Variants in QKI observed in about 807,000 individuals in gnomAD.
The protein encoded by QKI is QKI, KH domain containing RNA binding.
Under a neutral mutation model 39.0 loss-of-function variants are expected in QKI, and 10 were observed. The observed-to-expected ratio is 0.26, with a 90% confidence interval of 0.16 to 0.43. QKI has a LOEUF of 0.43. Ranked by LOEUF, QKI falls within the 20% of genes least tolerant of loss-of-function variation. QKI has a pLI of 1.00. For synonymous variants in QKI, 204 were observed against 155.4 expected (o/e 1.31, Z -2.33); for missense variants, 218 against 428.0 (o/e 0.51, Z 4.33).
At chr6:163,492,412 G>A (rs1778114283) in intron 3 of QKI, among the ~76,000 whole-genome samples, 1 of 152,060 alleles carries the variant, frequency 6.6e-6, no homozygotes, top group Non-Finnish European at 1.5e-5. Context: ...GGTTGTTATA[G>A]GACATAGTTT....
chr6:163,421,030 G>C (rs1334585580), intron 1 of QKI, among the ~76,000 whole-genome samples: 2 of 151,664 alleles, frequency 1.3e-5, no homozygotes, highest in East Asian at 1.9e-4. Context: ...CTCCTTTTTT[G>C]ATTTCTAGTT....
At chr6:163,461,111 TA>T (rs1791317907) in intron 2 of QKI, among the ~76,000 whole-genome samples, 1 of 152,306 alleles carries the variant, frequency 6.6e-6, no homozygotes, top group East Asian at 1.9e-4. Flanking sequence ...TAAGTTCAAC[TA>T]GATCGGTTTA....
At chr6:163,453,898 G>C (rs1433676643) in intron 1 of QKI, among the ~76,000 whole-genome samples, 1 of 152,048 alleles carries the variant, frequency 6.6e-6, no homozygotes, top group Non-Finnish European at 1.5e-5. Flanking sequence ...AACTGAGTAA[G>C]AGTACCTTTG....
intron 1 of QKI, among the ~76,000 whole-genome samples, chr6:163,452,015 A>G (rs965529538): frequency 3.9e-5 from 6 of 152,240 alleles, no homozygotes; most frequent in Non-Finnish European, 8.8e-5. Flanking sequence ...ATTATGGAGA[A>G]AAAGAATAAA....
intron 3 of QKI, among the ~76,000 whole-genome samples, chr6:163,526,852 A>T (rs1780548566): frequency 1.3e-5 from 2 of 152,182 alleles, no homozygotes; most frequent in African/African-American, 4.8e-5. Flanking sequence ...TTGGGGTTAT[A>T]TAAATTTAGT....
intron 1 of QKI, among the ~76,000 whole-genome samples, chr6:163,435,318 T>G (rs1054909824): frequency 6.6e-6 from 1 of 152,202 alleles, no homozygotes. Flanking sequence ...GTTTTCCTTA[T>G]AGTTCTTGTG....
intron 1 of QKI, among the ~76,000 whole-genome samples, chr6:163,444,894 GCAAACACTTTTTAATTATTATT>G (rs2128216155): frequency 6.6e-6 from 1 of 151,760 alleles, no homozygotes; most frequent in Non-Finnish European, 1.5e-5. Flanking sequence ...AAAGTCCAAA[GCAAACACTTTTTAATTATTATT>G]ATTATTATTT....
chr6:163,523,368 A>T (rs549934107), intron 3 of QKI, among the ~76,000 whole-genome samples: 8 of 152,320 alleles, frequency 5.3e-5, no homozygotes, highest in African/African-American at 1.9e-4. Flanking sequence ...TAATCAGTAT[A>T]TTTTATGTTA....
intron 3 of QKI, among the ~76,000 whole-genome samples, chr6:163,481,208 CAG>C (rs1195732954): frequency 6.6e-6 from 1 of 152,154 alleles, no homozygotes; most frequent in Non-Finnish European, 1.5e-5. Context: ...AACTTTTCTA[CAG>C]AGTTGTCCAT....
rs1028824795 is a variant in QKI at position 163,573,846 on chromosome 6, TAAAC to T, written c.*3140_*3143del. 65 of 152,306 alleles carry T rather than the reference TAAAC, an allele frequency of 4.3e-4. No individual in the cohort carries two copies. The highest frequency in any genetic ancestry group is 1.3e-3 in the African/African-American group (54 of 41,570). The allele number at this position is 152,306 out of a possible 1,614,324, so 9.4% of individuals were successfully genotyped here. ...TTAACCTTTATATGTTTAATTAAAA[TAAAC>T]AAATAAAGACAAAAGAATGTAAAGT... On this transcript the variant is annotated 3_prime_UTR_variant, in exon 8 of 8. Coordinates refer to ENST00000361752, the MANE Select transcript of QKI (RefSeq NM_006775.3).
chr6:163,489,374 G>A (rs1230200240), intron 3 of QKI, among the ~76,000 whole-genome samples: 1 of 151,688 alleles, frequency 6.6e-6, no homozygotes, highest in Admixed American at 6.6e-5. Context: ...ACTTTGCTCT[G>A]TTGTGCAGGA....
chr6:163,570,885 C>A lies in QKI; in HGVS notation c.*175C>A. 1 of 844,826 alleles carries A rather than the reference C, an allele frequency of 1.2e-6. No homozygotes were observed. Among genetic ancestry groups the A allele is most frequent in the Non-Finnish European group, 1.7e-6 (1 of 573,316 alleles). 52.3% of individuals were successfully genotyped at this position (844,826 alleles called of 1,614,324 possible). Reference sequence around the variant, plus strand: ...CAAAAGACAAAGAAATTGTTGTCCTCCAACTCAGCTTTTTTTTTTTTTTTT... The same window carrying A: ...CAAAAGACAAAGAAATTGTTGTCCTACAACTCAGCTTTTTTTTTTTTTTTT... On this transcript the variant is annotated 3_prime_UTR_variant, in exon 8 of 8. Transcript: ENST00000361752.
intron 7 of QKI, chr6:163,569,012 C>G: frequency 2.0e-6 from 2 of 980,730 alleles, no homozygotes; most frequent in Non-Finnish European, 2.4e-6. Flanking sequence ...CTGAGTAATA[C>G]AAAAACCATC....
At chr6:163,494,620 T>C (rs1479910712) in intron 3 of QKI, among the ~76,000 whole-genome samples, 3 of 152,116 alleles carry the variant, frequency 2.0e-5, no homozygotes, top group Non-Finnish European at 4.4e-5. Context: ...AAAAAAGTTA[T>C]TTTCATGGTC....
At chr6:163,489,511 A>G (rs891989738) in intron 3 of QKI, among the ~76,000 whole-genome samples, 3 of 150,330 alleles carry the variant, frequency 2.0e-5, no homozygotes, top group Admixed American at 6.6e-5. Flanking sequence ...CAGTTTCCCA[A>G]CTATTGTTTG....
chr6:163,536,656 T>A (rs1351639837), intron 4 of QKI, among the ~76,000 whole-genome samples: 1 of 152,088 alleles, frequency 6.6e-6, no homozygotes, highest in African/African-American at 2.4e-5. Flanking sequence ...TTCTAGTGTT[T>A]AGCATAGAGC....
Position 163,575,883 on chromosome 6 carries a change from A to G in QKI, c.*5173A>G, listed in dbSNP as rs1199051638. On this transcript the variant is annotated 3_prime_UTR_variant, in exon 8 of 8. Coordinates refer to ENST00000361752, the MANE Select transcript of QKI (RefSeq NM_006775.3). ...TAGTTTTAGGATGGGGTGGGGTGGGAGTGGTTTTGCATGTTTGACCAGGAT... is the reference window on the plus strand; with the variant it reads ...TAGTTTTAGGATGGGGTGGGGTGGGGGTGGTTTTGCATGTTTGACCAGGAT... 1.3e-5 allele frequency: 2 copies of G among 152,016 alleles called. No individual in the cohort carries two copies. The highest frequency in any genetic ancestry group is 4.8e-5 in the African/African-American group (2 of 41,380). The allele number at this position is 152,016 out of a possible 1,614,324, so 9.4% of individuals were successfully genotyped here.
intron 1 of QKI, among the ~76,000 whole-genome samples, chr6:163,446,075 T>C (rs994639434): frequency 2.0e-5 from 3 of 152,220 alleles, no homozygotes; most frequent in African/African-American, 7.2e-5. Flanking sequence ...TCCTTTCATA[T>C]TTTTGCTAAC....
chr6:163,455,230 CA>C, intron 1 of QKI, 48 bp from the exon 2 acceptor site: 1 of 1,522,480 alleles, frequency 6.6e-7, no homozygotes, highest in Non-Finnish European at 9.0e-7. Flanking sequence ...TCTGGACTAG[CA>C]AGAATATTTT....
Sources: allele counts gnomAD v4.1 joint callset (sites outside exome capture counted in the v4.1 genomes callset), GRCh38; gene constraint gnomAD v4.1.1; transcripts MANE v1.5; gene names NCBI Gene and HGNC (gene_info 2026-07-23, HGNC 2026-07-21).